Variants in SAPCD2 observed in about 807,000 individuals in gnomAD.
SAPCD2 encodes suppressor APC domain containing 2.
A neutral mutation model predicts 37.8 loss-of-function variants in SAPCD2; 34 were observed. The observed-to-expected ratio is 0.90, with a 90% confidence interval of 0.68 to 1.20. The LOEUF (loss-of-function observed/expected upper bound fraction) is 1.20. Ranked by LOEUF, SAPCD2 falls within the 50% of genes most tolerant of loss-of-function variation. The pLI, the probability that SAPCD2 is intolerant of heterozygous loss-of-function variation, is 0.00. For synonymous variants in SAPCD2, 275 were observed against 270.3 expected, an observed-to-expected ratio of 1.02 and a Z score of -0.17; for missense variants, 572 against 584.7, an observed-to-expected ratio of 0.98 and a Z score of 0.22.
rs1436878746 is a variant in SAPCD2 at position 137,064,059 on chromosome 9, G to C, written c.*600C>G. ...CCGGCGTGCCGATCCGCTGCAGCCA[G>C]GGTCCCTCAGCCTTGGCCAGAACCT... On this transcript the variant is annotated 3_prime_UTR_variant, in exon 6 of 6. Transcript: ENST00000409687. 3 of 163,642 alleles carry C rather than the reference G, an allele frequency of 1.8e-5. No homozygotes were observed. Among genetic ancestry groups the C allele is most frequent in the African/African-American group, 7.2e-5 (3 of 41,504 alleles). The allele number at this position is 163,642 out of a possible 1,614,324, so 10.1% of individuals were successfully genotyped here.
chr9:137,063,991 C>G lies in SAPCD2; in HGVS notation c.*668G>C, dbSNP rs1170696044. The G allele has an allele frequency of 6.3e-6, 1 of 158,120 alleles. No homozygotes were observed. The highest frequency in any genetic ancestry group is 2.4e-5 in the African/African-American group (1 of 41,460). 9.8% of individuals were successfully genotyped at this position (158,120 alleles called of 1,614,324 possible). Reference sequence around the variant, plus strand: ...GGCCAAGAGGGGGAAGGCCATCACCCCAGGGTCTGTGGGAGGCACATGCAG... The same window carrying G: ...GGCCAAGAGGGGGAAGGCCATCACCGCAGGGTCTGTGGGAGGCACATGCAG... On this transcript the variant is annotated 3_prime_UTR_variant, in exon 6 of 6. Coordinates refer to ENST00000409687, the MANE Select transcript of SAPCD2 (RefSeq NM_178448.4).
Position 137,070,375 on chromosome 9 carries a change from A to G in SAPCD2, c.86T>C (p.Leu29Pro). Reference sequence around the variant, plus strand: ...GTCGAACAGGGTGCGCAGGCTCTGCAGGAAGGCGCGCGGCAGCCCCTCCGT... The same window carrying G: ...GTCGAACAGGGTGCGCAGGCTCTGCGGGAAGGCGCGCGGCAGCCCCTCCGT... ...PSTEGLPRAF[L>P]QSLRTLFDIL... Residue 29 changes from leucine to proline, a missense_variant, in exon 1 of 6, where the codon CTG becomes CCG. By Grantham distance (98) the Leu-to-Pro change is moderately conservative. Coordinates refer to ENST00000409687, the MANE Select transcript of SAPCD2 (RefSeq NM_178448.4). The G allele has an allele frequency of 7.1e-7, 1 of 1,413,404 alleles. No homozygotes were observed. Among genetic ancestry groups the G allele is most frequent in the Non-Finnish European group, 9.3e-7 (1 of 1,079,862 alleles). The allele number at this position is 1,413,404 out of a possible 1,614,324, so 87.6% of individuals were successfully genotyped here.
chr9:137,064,931 T>G lies in SAPCD2; in HGVS notation c.988A>C (p.Thr330Pro), dbSNP rs768566307. 1 of 1,554,532 alleles carries G rather than the reference T, an allele frequency of 6.4e-7. No individual in the cohort carries two copies. The highest frequency in any genetic ancestry group is 8.7e-7 in the Non-Finnish European group (1 of 1,149,814). ...SGPPCPALTS[T>P]SPPVWQQQTI... Reference sequence around the variant, plus strand: ...TGCTGCTGCCAGACCGGGGGTGAGGTGGACGTCAGGGCAGGGCAGGGGGGC... The same window carrying G: ...TGCTGCTGCCAGACCGGGGGTGAGGGGGACGTCAGGGCAGGGCAGGGGGGC... The change falls in exon 5 of 6, where the codon ACC becomes CCC. Residue 330 changes from threonine (T) to proline (P), a missense_variant. Transcript: ENST00000409687.
intron 1 of SAPCD2, among the ~76,000 whole-genome samples, chr9:137,067,647 A>ATG (rs1554747546): frequency 8.6e-5 from 13 of 150,678 alleles, no homozygotes; most frequent in South Asian, 2.1e-4. Flanking sequence ...GGTGGCATGC[A>ATG]CCTGTAATCC....
At chr9:137,065,056 TG>T in intron 4 of SAPCD2, 21 bp downstream of exon 4, 1 of 1,505,416 alleles carries the variant, frequency 6.6e-7, no homozygotes, top group Non-Finnish European at 8.9e-7. Context: ...AGCGTGGGTG[TG>T]GGGGTTTGGG....
rs553427784 is a variant in SAPCD2, at chr9:137,066,330, G to A, written c.616C>T (p.Arg206Trp). ...RALEADSGDA[R>W]RAPRARGERR... is the part of the protein sequence containing the mutation. ...TCCCCTCGGGCACGGGGAGCCCGCC[G>A]GGCATCCCCTGAGTCCGCCTCCAGG... Residue 206 changes from arginine (R) to tryptophan (W), a missense_variant, in exon 2 of 6, where the codon CGG becomes TGG. By Grantham distance (101) the Arg-to-Trp change is moderately radical. Transcript: ENST00000409687. 6.0e-5 allele frequency: 96 copies of A among 1,609,972 alleles called. No individual in the cohort carries two copies. In the East Asian group the frequency reaches 1.2e-3, roughly 21 times the overall value.
At chr9:137,065,458 G>A (rs1832529801) in intron 3 of SAPCD2, 64 bp downstream of exon 3, 1 of 1,511,468 alleles carries the variant, frequency 6.6e-7, no homozygotes, top group African/African-American at 1.4e-5. Context: ...CAATGCCCAA[G>A]GGTGCCTGGG....
rs965356311 is a variant in SAPCD2, at chr9:137,070,529, C to T, written c.-69G>A. 2 of 1,030,910 alleles carry T rather than the reference C, an allele frequency of 1.9e-6. No homozygotes were observed. Among genetic ancestry groups the T allele is most frequent in the African/African-American group, 1.7e-5 (1 of 59,364 alleles). 63.9% of individuals were successfully genotyped at this position (1,030,910 alleles called of 1,614,324 possible). A position where few individuals can be genotyped will look rare whatever the true frequency, so the allele number is the denominator to read the frequency against. Reference sequence around the variant, plus strand: ...GCGCGGCCCCACGGAGGGGCCGGCCCGGCGAGCTCAGCCCACGGCGACAAT... The same window carrying T: ...GCGCGGCCCCACGGAGGGGCCGGCCTGGCGAGCTCAGCCCACGGCGACAAT... On this transcript the variant is annotated 5_prime_UTR_variant, in exon 1 of 6. Transcript: ENST00000409687.
At position 137,064,373 on chromosome 9, in the gene SAPCD2, C is replaced by A; in HGVS notation, c.*286G>T. The A allele has an allele frequency of 2.0e-6, 1 of 511,968 alleles. No homozygotes were observed. Among genetic ancestry groups the A allele is most frequent in the Non-Finnish European group, 3.5e-6 (1 of 282,278 alleles). The allele number at this position is 511,968 out of a possible 1,614,324, so 31.7% of individuals were successfully genotyped here. On this transcript the variant is annotated 3_prime_UTR_variant, in exon 6 of 6. Coordinates refer to ENST00000409687, the MANE Select transcript of SAPCD2 (RefSeq NM_178448.4). Reference sequence around the variant, plus strand: ...CGCTAACTCATGGAGGGGTACCCCACTGTCCACTGACAGCGGCAGTAGTAG... The same window carrying A: ...CGCTAACTCATGGAGGGGTACCCCAATGTCCACTGACAGCGGCAGTAGTAG...
At position 137,064,487 on chromosome 9, in the gene SAPCD2, G is replaced by C. The variant is rs1056270096; in HGVS notation, c.*172C>G. 2.8e-6 allele frequency: 2 copies of C among 721,474 alleles called. No homozygotes were observed. The highest frequency in any genetic ancestry group is 2.2e-6 in the Non-Finnish European group (1 of 444,806). The allele number at this position is 721,474 out of a possible 1,614,324, so 44.7% of individuals were successfully genotyped here. On this transcript the variant is annotated 3_prime_UTR_variant, in exon 6 of 6. Coordinates refer to ENST00000409687, the MANE Select transcript of SAPCD2 (RefSeq NM_178448.4). ...CAAGCGCTCGGTGCGGGGACCAGCC[G>C]GGGGCAGGCCTGGGGAGCCCATCTG...
chr9:137,070,190 G>A lies in SAPCD2; in HGVS notation c.271C>T (p.Leu91=). 2.2e-6 allele frequency: 3 copies of A among 1,357,102 alleles called. No individual in the cohort carries two copies. The highest frequency in any genetic ancestry group is 2.9e-6 in the Non-Finnish European group (3 of 1,048,154). 84.1% of individuals were successfully genotyped at this position (1,357,102 alleles called of 1,614,324 possible). A position where few individuals can be genotyped will look rare whatever the true frequency, so the allele number is the denominator to read the frequency against. Residue 91 remains leucine, a synonymous_variant, in exon 1 of 6, where the codon CTG becomes TTG. Coordinates refer to ENST00000409687, the MANE Select transcript of SAPCD2 (RefSeq NM_178448.4). ...YLTFERFVAG[L]RTSLLSADGG... ...TCGGCGCTCAGCAGGGAGGTGCGCA[G>A]GCCGGCCACGAAGCGCTCGAAGGTC... is the stretch of plus-strand genomic sequence containing the variant.
Position 137,069,907 on chromosome 9 carries a change from C to A in SAPCD2, c.554G>T (p.Ser185Ile). Residue 185 changes from serine to isoleucine, a missense_variant, in exon 1 of 6, where the codon AGC becomes ATC. Transcript: ENST00000409687. The part of the protein sequence containing the change: ...ERSQSAALEP[S>I]SSADAGAVAC... The stretch of plus-strand genomic sequence containing the variant: ...GAACTCACCTGCGTCCGCGCTGGAG[C>A]TCGGTTCCAGCGCCGCGCTCTGGGA... 1 of 1,278,164 alleles carries A rather than the reference C, an allele frequency of 7.8e-7. No individual in the cohort carries two copies. Among genetic ancestry groups the A allele is most frequent in the East Asian group, 3.2e-5 (1 of 31,640 alleles). The allele number at this position is 1,278,164 out of a possible 1,614,324, so 79.2% of individuals were successfully genotyped here.
rs368108476 is a variant in SAPCD2, at chr9:137,063,021, A to C, written c.*1638T>G. ...GGGCATGGCAGGCACCCTCAAAGGC[A>C]GACGTGGGGAGGCCCTGGTGGGCAG... On this transcript the variant is annotated 3_prime_UTR_variant, in exon 6 of 6. Transcript: ENST00000409687. 3.3e-5 allele frequency: 5 copies of C among 152,380 alleles called. No homozygotes were observed. In the East Asian group the frequency reaches 7.7e-4, roughly 24 times the overall value. 9.4% of individuals were successfully genotyped at this position (152,380 alleles called of 1,614,324 possible).
In SAPCD2 at chr9:137,064,115, A is replaced by C; in HGVS notation, c.*544T>G. 5.7e-6 allele frequency: 1 copy of C among 174,026 alleles called. No individual in the cohort carries two copies. Among genetic ancestry groups the C allele is most frequent in the Non-Finnish European group, 1.2e-5 (1 of 80,666 alleles). The allele number at this position is 174,026 out of a possible 1,614,324, so 10.8% of individuals were successfully genotyped here. On this transcript the variant is annotated 3_prime_UTR_variant, in exon 6 of 6. Transcript: ENST00000409687. ...CCGACCGCTATCCCTGGGGCTCCCC[A>C]GCCAGGCAGGCACCCCCCGCTTACA...
intron 1 of SAPCD2, among the ~76,000 whole-genome samples, chr9:137,066,813 G>A (rs1403207927): frequency 2.0e-5 from 3 of 152,186 alleles, no homozygotes; most frequent in Non-Finnish European, 2.9e-5. Context: ...AGATGTGGGT[G>A]TGAATGACGG....
chr9:137,065,333 G>T, intron 3 of SAPCD2, 148 bp from the exon 4 acceptor site: 1 of 932,594 alleles, frequency 1.1e-6, no homozygotes, highest in African/African-American at 1.7e-5. Context: ...TGAGGTGGGA[G>T]GTCTGCCCAA....
At position 137,064,738 on chromosome 9, in the gene SAPCD2, G is replaced by A. The variant is rs1485019064; in HGVS notation, c.1106C>T (p.Ser369Leu). ...ERITQLEQEK[S>L]ALIKQLFEAR... is the part of the protein sequence containing the mutation. ...CTCAAACAGCTGCTTAATGAGCGCC[G>A]ACTTCTCCTGCTCCAGCTGCGTGAT... Residue 369 changes from serine (S) to leucine (L), a missense_variant, in exon 6 of 6, where the codon TCG becomes TTG. Ser to Leu is a moderately radical substitution (Grantham distance 145). Coordinates refer to ENST00000409687, the MANE Select transcript of SAPCD2 (RefSeq NM_178448.4). 5 of 1,591,476 alleles carry A rather than the reference G, an allele frequency of 3.1e-6. No individual in the cohort carries two copies. The highest frequency in any genetic ancestry group is 1.3e-5 in the African/African-American group (1 of 74,530).
chr9:137,065,943 G>A (rs987796901), intron 2 of SAPCD2, among the ~76,000 whole-genome samples: 8 of 152,172 alleles, frequency 5.3e-5, no homozygotes, highest in Admixed American at 1.3e-4. Flanking sequence ...GAGGGGTGAC[G>A]GACCCTTCAG....
At position 137,064,990 on chromosome 9, in the gene SAPCD2, G is replaced by A. The variant is rs375242588; in HGVS notation, c.940-11C>T. The A allele has an allele frequency of 5.4e-6, 8 of 1,489,534 alleles. No individual in the cohort carries two copies. The African/African-American group carries it at 8.3e-5, about 16-fold the overall frequency. The allele number at this position is 1,489,534 out of a possible 1,614,324, so 92.3% of individuals were successfully genotyped here. On this transcript the variant is annotated splice_polypyrimidine_tract_variant and intron_variant, in intron 4 of 5. Coordinates refer to ENST00000409687, the MANE Select transcript of SAPCD2 (RefSeq NM_178448.4). Reference sequence around the variant, plus strand: ...GGACGGGGGCAGGGCCTGCGGGAGGGCAGGATTAGGCAGGCCTGGACGAGG... The same window carrying A: ...GGACGGGGGCAGGGCCTGCGGGAGGACAGGATTAGGCAGGCCTGGACGAGG...
Sources: gnomAD v4.1 joint callset for allele counts (sites outside exome capture counted in the v4.1 genomes callset) on GRCh38, gnomAD v4.1.1 for gene constraint, MANE v1.5 for transcripts, NCBI Gene and HGNC (gene_info 2026-07-23, HGNC 2026-07-21) for gene names.